Variants in MCTP1 observed in about 807,000 individuals in gnomAD.
The protein encoded by MCTP1 is multiple C2 and transmembrane domain-containing protein 1.
In MCTP1, 69 loss-of-function variants were observed where a neutral mutation model predicts 120.6. The observed-to-expected ratio is 0.57, with a 90% confidence interval of 0.47 to 0.70. MCTP1 has a LOEUF of 0.70. Among genes scored for constraint, MCTP1 ranks in the 30% least tolerant of loss-of-function variants. The probability of loss-of-function intolerance (pLI) is 0.00; values close to 1 mark genes in which losing one functional copy is unlikely to be tolerated. For synonymous variants in MCTP1, 529 were observed against 493.1 expected (o/e 1.07, Z -0.96); for missense variants, 1,203 against 1,248.8 (o/e 0.96, Z 0.55).
At chr5:94,831,660 G>A (rs1788537328) in intron 17 of MCTP1, among the ~76,000 whole-genome samples, 1 of 152,242 alleles carries the variant, frequency 6.6e-6, no homozygotes, top group Non-Finnish European at 1.5e-5. Flanking sequence ...GCTTAAATAA[G>A]AATCCTTTGT....
chr5:94,807,202 G>A lies in MCTP1; in HGVS notation c.2437-8070C>T, dbSNP rs539305282. On this transcript the variant is annotated intron_variant, in intron 17 of 22. Coordinates refer to ENST00000515393, the MANE Select transcript of MCTP1 (RefSeq NM_024717.7). ...GGTCCTAACAGAGAACATTTGGTAT[G>A]AGAATGTTTCTTGATGTGAGAGAGA... Among the ~76,000 whole-genome samples the A allele has an allele frequency of 1.1e-3, 164 of 152,312 alleles. 1 individual carries two copies. The highest frequency in any genetic ancestry group is 3.8e-3 in the African/African-American group (157 of 41,562).
chr5:95,050,613 A>G (rs972529502), intron 1 of MCTP1, among the ~76,000 whole-genome samples: 1 of 152,230 alleles, frequency 6.6e-6, no homozygotes, highest in Non-Finnish European at 1.5e-5. Context: ...GGCCCAAGCC[A>G]TGCTTCCTTT....
chr5:94,985,649 G>A (rs1265189984), intron 2 of MCTP1, among the ~76,000 whole-genome samples: 1 of 152,132 alleles, frequency 6.6e-6, no homozygotes, highest in Non-Finnish European at 1.5e-5. Flanking sequence ...TGTGAAGTGG[G>A]CCTGGCTTTT....
At chr5:95,212,383 C>T (rs1273132874) in intron 1 of MCTP1, among the ~76,000 whole-genome samples, 2 of 151,960 alleles carry the variant, frequency 1.3e-5, no homozygotes, top group Non-Finnish European at 2.9e-5. Flanking sequence ...AGCTTACCAA[C>T]CAAAAAGAGT....
intron 1 of MCTP1, among the ~76,000 whole-genome samples, chr5:95,170,379 T>C (rs1747088070): frequency 6.6e-6 from 1 of 152,262 alleles, no homozygotes; most frequent in South Asian, 2.1e-4. Context: ...TAGTAGAATG[T>C]ATATTCTGTT....
intron 19 of MCTP1, among the ~76,000 whole-genome samples, chr5:94,724,772 T>G (rs1321759040): frequency 1.3e-5 from 2 of 152,128 alleles, no homozygotes; most frequent in Non-Finnish European, 2.9e-5. Flanking sequence ...ATCAAAACCT[T>G]TGACTTAATT....
chr5:94,855,737 C>T (rs1321704444), intron 17 of MCTP1, among the ~76,000 whole-genome samples: 1 of 151,614 alleles, frequency 6.6e-6, no homozygotes, highest in Admixed American at 6.6e-5. Context: ...ATGACGTAAT[C>T]GTGACTTAAT....
chr5:94,966,433 T>C lies in MCTP1; in HGVS notation c.839-13072A>G, dbSNP rs1825610876. Among the ~76,000 whole-genome samples, 4 of 152,350 alleles carry C rather than the reference T, an allele frequency of 2.6e-5. No individual in the cohort carries two copies. The South Asian group carries it at 8.3e-4, about 32-fold the overall frequency. On this transcript the variant is annotated intron_variant, in intron 2 of 22. Transcript: ENST00000515393. ...ATCACCACTATCTCAGTGAGTCTAC[T>C]ATTGCCTCCATTTTATAGATGAGAA...
intron 1 of MCTP1, among the ~76,000 whole-genome samples, chr5:95,199,492 A>G (rs888492203): frequency 2.0e-5 from 3 of 152,208 alleles, no homozygotes; most frequent in African/African-American, 7.2e-5. Context: ...AATATCACCA[A>G]TCAGCAGAAA....
intron 17 of MCTP1, among the ~76,000 whole-genome samples, chr5:94,820,453 T>G (rs938862083): frequency 2.0e-5 from 3 of 152,200 alleles, no homozygotes; most frequent in African/African-American, 7.2e-5. Context: ...TTCTTTAACA[T>G]TTTTTGCAGG....
At chr5:95,093,284 T>C (rs1023524164) in intron 1 of MCTP1, among the ~76,000 whole-genome samples, 4 of 152,176 alleles carry the variant, frequency 2.6e-5, no homozygotes, top group Admixed American at 2.0e-4. Flanking sequence ...TTCCTAGCAG[T>C]AGGATTACAC....
chr5:95,100,248 A>G (rs189909849), intron 1 of MCTP1, among the ~76,000 whole-genome samples: 1 of 152,240 alleles, frequency 6.6e-6, no homozygotes, highest in Admixed American at 6.5e-5. Flanking sequence ...CATTGTGCAC[A>G]TGTACCCTAA....
chr5:94,856,411 A>G lies in MCTP1; in HGVS notation c.2436+11922T>C, dbSNP rs549174883. On this transcript the variant is annotated intron_variant, in intron 17 of 22. Coordinates refer to ENST00000515393, the MANE Select transcript of MCTP1 (RefSeq NM_024717.7). ...CGCCATCTACAAACACAATAAAAAA[A>G]ATCTCTTAGCAGCTTTAATTGTAAA... Among the ~76,000 whole-genome samples, 17 of 151,898 alleles carry G rather than the reference A, an allele frequency of 1.1e-4. No homozygotes were observed. The South Asian group carries it at 1.2e-3, about 11-fold the overall frequency.
chr5:94,812,160 A>C (rs764807786), intron 17 of MCTP1, among the ~76,000 whole-genome samples: 7 of 152,320 alleles, frequency 4.6e-5, no homozygotes, highest in Non-Finnish European at 1.0e-4. Context: ...TTTAAACAAA[A>C]GGGGATATTA....
rs78689628 is a variant in MCTP1, at chr5:95,228,769, C to A, written c.720+55087G>T. 5.3e-3 allele frequency among the ~76,000 whole-genome samples: 803 copies of A among 152,238 alleles called. 10 individuals carry two copies. Among genetic ancestry groups the A allele is most frequent in the African/African-American group, 0.018 (752 of 41,522 alleles). On this transcript the variant is annotated intron_variant, in intron 1 of 22. Coordinates refer to ENST00000515393, the MANE Select transcript of MCTP1 (RefSeq NM_024717.7). ...GATAGTGAACAAGTCCTTGTGAGATCTGGTTGGTTAAAAGTGTGTAGCACC... is the reference window on the plus strand; with the variant it reads ...GATAGTGAACAAGTCCTTGTGAGATATGGTTGGTTAAAAGTGTGTAGCACC...
At chr5:95,281,668 T>A (rs1760330577) in intron 1 of MCTP1, among the ~76,000 whole-genome samples, 1 of 152,266 alleles carries the variant, frequency 6.6e-6, no homozygotes, top group Admixed American at 6.5e-5. Context: ...TTCTCTTATG[T>A]CTATGTCGAA....
chr5:95,244,305 T>C (rs1756506459), intron 1 of MCTP1, among the ~76,000 whole-genome samples: 1 of 152,226 alleles, frequency 6.6e-6, no homozygotes, highest in East Asian at 1.9e-4. Context: ...CTGAGGTACC[T>C]GGTTCATCTC....
intron 1 of MCTP1, among the ~76,000 whole-genome samples, chr5:95,172,153 T>C (rs1476122985): frequency 1.3e-5 from 2 of 152,224 alleles, no homozygotes; most frequent in African/African-American, 4.8e-5. Flanking sequence ...TGCAGGTCTG[T>C]TGGAGTTTGC....
At chr5:94,871,511 T>C in intron 13 of MCTP1, 94 bp from the exon 14 acceptor site, 1 of 829,282 alleles carries the variant, frequency 1.2e-6, no homozygotes, top group Admixed American at 2.0e-5. Context: ...CAGCTGATTT[T>C]GTGTGTGTTT....
Sources: gnomAD v4.1 joint callset for allele counts (sites outside exome capture counted in the v4.1 genomes callset) on GRCh38, gnomAD v4.1.1 for gene constraint, MANE v1.5 for transcripts, NCBI Gene and HGNC (gene_info 2026-07-23, HGNC 2026-07-21) for gene names.